Variants in PABPC4L observed in about 807,000 individuals in gnomAD.
PABPC4L encodes the protein polyadenylate-binding protein 4-like.
For synonymous variants in PABPC4L, 169 were observed against 164.1 expected (o/e 1.03, Z -0.23); for missense variants, 452 against 451.4 (o/e 1.00, Z -0.01).
the PABPC4L span, among the ~76,000 whole-genome samples, chr4:134,012,483 A>C: frequency 1.2e-3 from 183 of 152,238 alleles, no homozygotes; most frequent in African/African-American, 4.2e-3. Context: ...TACCTGCCCA[A>C]GTCCTGTAAA....
In PABPC4L at chr4:134,200,924, A is replaced by C; in HGVS notation, c.96T>G (p.Thr32=). ...TGCGGATGGACAGCACAGGCCCCAC[A>C]GTGCTGAACTTCCTGAACAGCAGGT... ...TEDLLFRKFS[T]VGPVLSIRIC... Residue 32 remains threonine, a synonymous_variant, in exon 2 of 2, where the codon ACT becomes ACG. Coordinates refer to ENST00000421491, the MANE Select transcript of PABPC4L (RefSeq NM_001114734.2). 1 of 1,560,962 alleles carries C rather than the reference A, an allele frequency of 6.4e-7. No homozygotes were observed. The highest frequency in any genetic ancestry group is 8.7e-7 in the Non-Finnish European group (1 of 1,152,210).
At chr4:133,983,479 C>T in the PABPC4L span, among the ~76,000 whole-genome samples, 222 of 151,450 alleles carry the variant, frequency 1.5e-3, 2 homozygotes, top group African/African-American at 5.0e-3. Flanking sequence ...ATAAGCCCAG[C>T]GAAGGTTTGA....
the PABPC4L span, among the ~76,000 whole-genome samples, chr4:134,028,946 G>A: frequency 6.6e-6 from 1 of 152,228 alleles, no homozygotes; most frequent in East Asian, 1.9e-4. Context: ...TTGAAACATA[G>A]TGTGTATTTT....
chr4:134,078,838 C>CT, the PABPC4L span, among the ~76,000 whole-genome samples: 17 of 146,478 alleles, frequency 1.2e-4, no homozygotes, highest in African/African-American at 1.8e-4. Context: ...TCTTTTTTTT[C>CT]TTTTTTTTTA....
the PABPC4L span, among the ~76,000 whole-genome samples, chr4:134,019,229 T>C: frequency 1.3e-5 from 2 of 152,286 alleles, no homozygotes; most frequent in African/African-American, 4.8e-5. Flanking sequence ...TTAGCATTCA[T>C]TGGATTTGTT....
chr4:134,011,570 T>A, the PABPC4L span, among the ~76,000 whole-genome samples: 1 of 152,136 alleles, frequency 6.6e-6, no homozygotes, highest in Non-Finnish European at 1.5e-5. Flanking sequence ...GATAGTTTCT[T>A]AATATAGGTA....
At chr4:134,051,325 T>G in the PABPC4L span, among the ~76,000 whole-genome samples, 4 of 152,200 alleles carry the variant, frequency 2.6e-5, no homozygotes, top group African/African-American at 9.6e-5. Flanking sequence ...ATAACTGTTT[T>G]GATCACAGAT....
the PABPC4L span, among the ~76,000 whole-genome samples, chr4:133,971,347 G>A: frequency 6.6e-6 from 1 of 151,742 alleles, no homozygotes; most frequent in South Asian, 2.1e-4. Flanking sequence ...TCCTGACTTC[G>A]TGATCCGCCC....
At chr4:133,951,180 C>A in the PABPC4L span, among the ~76,000 whole-genome samples, 1 of 152,102 alleles carries the variant, frequency 6.6e-6, no homozygotes, top group Non-Finnish European at 1.5e-5. Context: ...ACGACTCATC[C>A]ACAAGCAGCC....
At chr4:134,152,916 T>C in the PABPC4L span, among the ~76,000 whole-genome samples, 4 of 152,022 alleles carry the variant, frequency 2.6e-5, no homozygotes, top group Non-Finnish European at 5.9e-5. Context: ...AGAGATCACA[T>C]AGTAAAAGAG....
At position 134,201,054 on chromosome 4, in the gene PABPC4L, G is replaced by A. The variant is rs1383464630; in HGVS notation, c.-35C>T. The A allele has an allele frequency of 2.1e-5, 32 of 1,551,444 alleles. No individual in the cohort carries two copies. The highest frequency in any genetic ancestry group is 2.8e-5 in the Non-Finnish European group (32 of 1,146,978). ...CTTGCCACTGTGAGTTTGTCCCCTG[G>A]AGTTCTTTGAGCAATCCCTGTGGGG... is the stretch of plus-strand genomic sequence containing the variant. On this transcript the variant is annotated 5_prime_UTR_variant, in exon 2 of 2. Transcript: ENST00000421491.
the PABPC4L span, among the ~76,000 whole-genome samples, chr4:133,987,015 C>T: frequency 1.1e-4 from 17 of 152,222 alleles, no homozygotes; most frequent in African/African-American, 3.1e-4. Context: ...GGATTACAGC[C>T]GTGAACCACC....
At chr4:133,961,678 G>A in the PABPC4L span, among the ~76,000 whole-genome samples, 1 of 152,098 alleles carries the variant, frequency 6.6e-6, no homozygotes, top group Admixed American at 6.5e-5. Context: ...CTTCTGGTCT[G>A]TGTTTGTTAT....
the PABPC4L span, among the ~76,000 whole-genome samples, chr4:134,129,283 C>A: frequency 4.6e-4 from 70 of 151,966 alleles, no homozygotes; most frequent in Non-Finnish European, 8.4e-4. Flanking sequence ...AGAAAGTCAA[C>A]AAAGAAAGAA....
the PABPC4L span, among the ~76,000 whole-genome samples, chr4:134,137,276 ATAATAT>A: frequency 2.0e-5 from 3 of 152,028 alleles, no homozygotes; most frequent in Non-Finnish European, 4.4e-5. Context: ...AGATTTAGAA[ATAATAT>A]TAATAAGAAT....
the PABPC4L span, among the ~76,000 whole-genome samples, chr4:134,129,007 A>T: frequency 2.0e-5 from 3 of 152,146 alleles, no homozygotes; most frequent in African/African-American, 7.2e-5. Flanking sequence ...GGGGCACCTA[A>T]ACAGGCATGA....
chr4:134,137,340 A>G, the PABPC4L span, among the ~76,000 whole-genome samples: 1 of 151,966 alleles, frequency 6.6e-6, no homozygotes, highest in African/African-American at 2.4e-5. Flanking sequence ...GTAGAGAAGT[A>G]TACTTCTCCT....
chr4:134,145,647 A>C, the PABPC4L span, among the ~76,000 whole-genome samples: 1 of 151,926 alleles, frequency 6.6e-6, no homozygotes, highest in African/African-American at 2.4e-5. Flanking sequence ...ATGGGAGAAA[A>C]GTACATAAGG....
chr4:134,087,251 T>TA, the PABPC4L span, among the ~76,000 whole-genome samples: 2 of 151,984 alleles, frequency 1.3e-5, no homozygotes, highest in African/African-American at 2.4e-5. Flanking sequence ...TATGCAGCCA[T>TA]AAAAAATGAT....
Sources: allele counts gnomAD v4.1 joint callset (sites outside exome capture counted in the v4.1 genomes callset), GRCh38; gene constraint gnomAD v4.1.1; transcripts MANE v1.5; gene names NCBI Gene and HGNC (gene_info 2026-07-23, HGNC 2026-07-21).